The following OPCML variants were observed in gnomAD, a reference collection of about 807,000 sequenced individuals.
OPCML encodes opioid-binding protein/cell adhesion molecule.
A neutral mutation model predicts 37.8 loss-of-function variants in OPCML; 13 were observed. The ratio of observed to expected loss-of-function variants is 0.34; its 90% CI spans 0.22 to 0.55. The LOEUF (loss-of-function observed/expected upper bound fraction) is 0.55, where lower values mean the gene tolerates loss of function less well. Ranked by LOEUF, OPCML falls within the 20% of genes least tolerant of loss-of-function variation. The probability of loss-of-function intolerance (pLI) is 0.91; values close to 1 mark genes in which losing one functional copy is unlikely to be tolerated. For synonymous variants in OPCML, 176 were observed against 168.8 expected (o/e 1.04, Z -0.33); for missense variants, 341 against 435.6 (o/e 0.78, Z 1.93).
intron 2 of OPCML, among the ~76,000 whole-genome samples, chr11:132,864,396 G>A (rs1942440585): frequency 1.3e-5 from 2 of 152,188 alleles, no homozygotes; most frequent in South Asian, 4.1e-4. Context: ...GCTCAAATCT[G>A]TCACTCACTC....
At chr11:132,958,055 T>G (rs1354685729) in intron 1 of OPCML, among the ~76,000 whole-genome samples, 1 of 152,218 alleles carries the variant, frequency 6.6e-6, no homozygotes. Flanking sequence ...AAAGCCAAGA[T>G]AGGCTGAAAA....
At chr11:132,924,949 T>C (rs1944938452) in intron 2 of OPCML, among the ~76,000 whole-genome samples, 2 of 152,250 alleles carry the variant, frequency 1.3e-5, no homozygotes, top group Admixed American at 1.3e-4. Flanking sequence ...AGATTTTCTG[T>C]TCTGTTTTCT....
intron 1 of OPCML, among the ~76,000 whole-genome samples, chr11:133,466,429 C>T (rs552234939): frequency 2.0e-5 from 3 of 152,224 alleles, no homozygotes; most frequent in East Asian, 3.9e-4. Context: ...GAAGTAGAAC[C>T]GGAACCGTGA....
chr11:132,667,033 G>C (rs1200831025), intron 2 of OPCML, among the ~76,000 whole-genome samples: 1 of 152,204 alleles, frequency 6.6e-6, no homozygotes, highest in Non-Finnish European at 1.5e-5. Flanking sequence ...GAGGGAGCTA[G>C]AGTGAAGGAA....
chr11:132,518,527 C>T (rs1055540792), intron 4 of OPCML, among the ~76,000 whole-genome samples: 1 of 152,160 alleles, frequency 6.6e-6, no homozygotes, highest in Non-Finnish European at 1.5e-5. Context: ...CAGCACACCT[C>T]GGGACATTTG....
At chr11:133,333,610 T>A (rs1438103248) in intron 1 of OPCML, among the ~76,000 whole-genome samples, 1 of 152,114 alleles carries the variant, frequency 6.6e-6, no homozygotes, top group Non-Finnish European at 1.5e-5. Context: ...GACATCAAAG[T>A]CAATTGCAAC....
intron 1 of OPCML, among the ~76,000 whole-genome samples, chr11:133,247,388 G>T (rs1378468136): frequency 1.3e-5 from 2 of 152,090 alleles, no homozygotes; most frequent in African/African-American, 2.4e-5. Context: ...AAAATATTTA[G>T]CAAAGATACA....
chr11:132,731,549 A>T (rs1247283966), intron 2 of OPCML, among the ~76,000 whole-genome samples: 1 of 152,226 alleles, frequency 6.6e-6, no homozygotes, highest in South Asian at 2.1e-4. Context: ...TGGCACATTT[A>T]TATAATTCAC....
intron 1 of OPCML, among the ~76,000 whole-genome samples, chr11:133,444,289 GAGTT>G (rs1946427365): frequency 1.3e-5 from 2 of 152,188 alleles, no homozygotes; most frequent in South Asian, 2.1e-4. Flanking sequence ...TAGAAAAAAA[GAGTT>G]AGTTTCTTAC....
intron 1 of OPCML, among the ~76,000 whole-genome samples, chr11:133,418,786 G>A (rs1945820100): frequency 6.6e-6 from 1 of 152,218 alleles, no homozygotes; most frequent in African/African-American, 2.4e-5. Flanking sequence ...ACCAGCCATT[G>A]TTCTGTAGGT....
chr11:133,441,305 GA>G (rs905084732), intron 1 of OPCML, among the ~76,000 whole-genome samples: 34 of 151,194 alleles, frequency 2.2e-4, no homozygotes, highest in East Asian at 1.7e-3. Context: ...ATTATCACAT[GA>G]AAAAAAAGCC....
At chr11:133,288,261 GA>G (rs1942360741) in intron 1 of OPCML, among the ~76,000 whole-genome samples, 1 of 152,126 alleles carries the variant, frequency 6.6e-6, no homozygotes, top group Admixed American at 6.5e-5. Flanking sequence ...TCTCTCTGTG[GA>G]TCTCCCTAGA....
At chr11:132,502,829 A>T (rs1020231165) in intron 4 of OPCML, among the ~76,000 whole-genome samples, 1 of 152,154 alleles carries the variant, frequency 6.6e-6, no homozygotes, top group Non-Finnish European at 1.5e-5. Flanking sequence ...CACTGGAGAG[A>T]GTGGGGCGCC....
At chr11:132,493,135 G>C (rs1300542970) in intron 4 of OPCML, among the ~76,000 whole-genome samples, 2 of 152,178 alleles carry the variant, frequency 1.3e-5, no homozygotes, top group Non-Finnish European at 2.9e-5. Context: ...AATTGAGTGT[G>C]GTGGTGGAAT....
intron 3 of OPCML, among the ~76,000 whole-genome samples, chr11:132,598,826 A>C (rs149228302): frequency 2.0e-5 from 3 of 152,222 alleles, no homozygotes; most frequent in East Asian, 3.9e-4. Flanking sequence ...TTTTTTTTAA[A>C]AAAATTTCTC....
chr11:133,309,666 A>G (rs185799197), intron 1 of OPCML, among the ~76,000 whole-genome samples: 17 of 152,322 alleles, frequency 1.1e-4, no homozygotes, highest in Non-Finnish European at 1.9e-4. Context: ...TAATTATTCT[A>G]TGGTTATATA....
intron 2 of OPCML, among the ~76,000 whole-genome samples, chr11:132,664,085 G>A (rs1412967187): frequency 2.0e-5 from 3 of 152,098 alleles, no homozygotes; most frequent in Non-Finnish European, 4.4e-5. Context: ...GCCCGCCTCG[G>A]CCTCCCAAAG....
chr11:132,576,099 T>G (rs1050346087), intron 3 of OPCML, among the ~76,000 whole-genome samples: 2 of 152,090 alleles, frequency 1.3e-5, no homozygotes, highest in African/African-American at 4.8e-5. Context: ...GTCTTTGACT[T>G]TTGACAATTT....
At chr11:133,317,733 C>T (rs890464823) in intron 1 of OPCML, among the ~76,000 whole-genome samples, 3 of 152,172 alleles carry the variant, frequency 2.0e-5, no homozygotes, top group African/African-American at 7.2e-5. Context: ...GATAATTCAG[C>T]AACAAACAGC....
Sources: gnomAD v4.1 joint callset for allele counts (sites outside exome capture counted in the v4.1 genomes callset) on GRCh38, gnomAD v4.1.1 for gene constraint, MANE v1.5 for transcripts, NCBI Gene and HGNC (gene_info 2026-07-23, HGNC 2026-07-21) for gene names.